The following CDH4 variants were observed in gnomAD, a reference collection of about 807,000 sequenced individuals.
CDH4 encodes the protein cadherin 4, also known as cadherin-4.
CDH4 carries 33 observed loss-of-function variants against 86.0 expected under a neutral mutation model. The observed-to-expected ratio is 0.38, with a 90% CI of 0.29 to 0.51. CDH4 has a LOEUF of 0.51. Ranked by LOEUF, CDH4 falls within the 20% of genes least tolerant of loss-of-function variation. The pLI is 0.86. For synonymous variants in CDH4, 555 were observed against 549.4 expected, an observed-to-expected ratio of 1.01 and a Z score of -0.14; for missense variants, 1,114 against 1,307.4, an observed-to-expected ratio of 0.85 and a Z score of 2.28.
intron 2 of CDH4, among the ~76,000 whole-genome samples, chr20:61,659,014 C>T (rs969870868): frequency 2.0e-5 from 3 of 152,220 alleles, no homozygotes; most frequent in African/African-American, 7.2e-5. Context: ...TGTGGCTGGT[C>T]TTGAACTCAT....
intron 2 of CDH4, among the ~76,000 whole-genome samples, chr20:61,315,056 A>G (rs895731827): frequency 3.9e-4 from 60 of 152,136 alleles, no homozygotes; most frequent in Non-Finnish European, 4.3e-4. Flanking sequence ...CTCAGCCCAG[A>G]TGGGTCTAAA....
In CDH4 at chr20:61,838,565, A is replaced by G. The variant is rs567104144; in HGVS notation, c.577-6103A>G. Among the ~76,000 whole-genome samples, 4 of 152,222 alleles carry G rather than the reference A, an allele frequency of 2.6e-5. No individual in the cohort carries two copies. The South Asian group carries it at 8.3e-4, about 32-fold the overall frequency. On this transcript the variant is annotated intron_variant, in intron 4 of 15. Coordinates refer to ENST00000614565, the MANE Select transcript of CDH4 (RefSeq NM_001794.5). ...GGTGGCTCACACCTGTAATCCCAGC[A>G]CTTTGGGAGGCTGAGGTGGGCAGAT...
intron 8 of CDH4, among the ~76,000 whole-genome samples, chr20:61,900,694 T>C (rs1985355691): frequency 1.3e-5 from 2 of 152,132 alleles, no homozygotes; most frequent in African/African-American, 4.8e-5. Flanking sequence ...CTCTCAGGCC[T>C]CCTTGGACCC....
chr20:61,878,818 G>A (rs145647053), intron 7 of CDH4, among the ~76,000 whole-genome samples: 10 of 152,228 alleles, frequency 6.6e-5, no homozygotes, highest in South Asian at 6.2e-4. Context: ...CCACTTTTTC[G>A]CCTTTGCCTC....
chr20:61,652,103 C>T (rs573792137), intron 2 of CDH4, among the ~76,000 whole-genome samples: 2 of 152,198 alleles, frequency 1.3e-5, no homozygotes, highest in Non-Finnish European at 2.9e-5. Flanking sequence ...GAGCCAGGTG[C>T]CGTGGGGTCT....
chr20:61,560,560 T>C (rs949846417), intron 2 of CDH4, among the ~76,000 whole-genome samples: 1 of 152,188 alleles, frequency 6.6e-6, no homozygotes, highest in Non-Finnish European at 1.5e-5. Flanking sequence ...CAAGGTTCCC[T>C]AGCGGGTTAC....
intron 2 of CDH4, among the ~76,000 whole-genome samples, chr20:61,290,431 T>TAGCACCACAG: frequency 7.3e-6 from 1 of 137,160 alleles, no homozygotes. Context: ...TTGCTGGGTT[T>TAGCACCACAG]ATCCCGATAT....
intron 4 of CDH4, among the ~76,000 whole-genome samples, chr20:61,818,173 G>C (rs1980829032): frequency 6.6e-6 from 1 of 152,144 alleles, no homozygotes; most frequent in South Asian, 2.1e-4. Flanking sequence ...GGGACTATAG[G>C]TACACACCAC....
chr20:61,529,746 G>A (rs1395233496), intron 2 of CDH4, among the ~76,000 whole-genome samples: 1 of 152,178 alleles, frequency 6.6e-6, no homozygotes, highest in Non-Finnish European at 1.5e-5. Context: ...GGTATCTTGG[G>A]TGGTGTCTTC....
intron 2 of CDH4, among the ~76,000 whole-genome samples, chr20:61,310,524 G>A (rs147876030): frequency 6.6e-6 from 1 of 152,190 alleles, no homozygotes; most frequent in South Asian, 2.1e-4. Flanking sequence ...ACTCCTGTGA[G>A]GATCTAATGC....
intron 2 of CDH4, among the ~76,000 whole-genome samples, chr20:61,378,013 A>G (rs968648826): frequency 7.9e-5 from 12 of 152,328 alleles, no homozygotes; most frequent in African/African-American, 2.9e-4. Context: ...CAACACTTTG[A>G]GAGGCCGAGG....
intron 2 of CDH4, among the ~76,000 whole-genome samples, chr20:61,458,060 G>A (rs940867795): frequency 6.6e-5 from 10 of 150,782 alleles, no homozygotes; most frequent in South Asian, 4.2e-4. Flanking sequence ...TGGTGGCAGC[G>A]GTGGTGGTGG....
At chr20:61,282,841 C>T (rs966751097) in intron 2 of CDH4, among the ~76,000 whole-genome samples, 5 of 147,910 alleles carry the variant, frequency 3.4e-5, no homozygotes, top group South Asian at 4.3e-4. Flanking sequence ...GCGTGTGATG[C>T]ATGTGCATTT....
At chr20:61,635,908 C>T in intron 2 of CDH4, among the ~76,000 whole-genome samples, 1 of 152,182 alleles carries the variant, frequency 6.6e-6, no homozygotes, top group Non-Finnish European at 1.5e-5. Flanking sequence ...TGGAAAATGA[C>T]TTAGTGGCAG....
chr20:61,740,445 T>C (rs930227416), intron 2 of CDH4: 1 of 152,236 alleles, frequency 6.6e-6, no homozygotes, highest in East Asian at 1.9e-4. Context: ...GTTCTGTGAA[T>C]GCCCCTGGCG....
At position 61,565,230 on chromosome 20, in the gene CDH4, G is replaced by GTGGTGGTGGTCCTCT. The variant is rs1555809098; in HGVS notation, c.170-178323_170-178322insCCTCTTGGTGGTGGT. On this transcript the variant is annotated intron_variant, in intron 2 of 15. Coordinates refer to ENST00000614565, the MANE Select transcript of CDH4 (RefSeq NM_001794.5). ...GCGGTGCTCTCGGTGGTAGGTGGTG[G>GTGGTGGTGGTCCTCT]TGGTGGTGGTGGCGGTGCTCTTGGT... 3.3e-4 allele frequency among the ~76,000 whole-genome samples: 10 copies of GTGGTGGTGGTCCTCT among 30,620 alleles called. 2 individuals carry two copies. The highest frequency in any genetic ancestry group is 1.6e-3 in the African/African-American group (9 of 5,736). The allele number at this position is 30,620 out of a possible 152,430, so 20.1% of individuals were successfully genotyped here.
intron 3 of CDH4, among the ~76,000 whole-genome samples, chr20:61,751,532 G>T (rs2088495567): frequency 6.6e-6 from 1 of 152,194 alleles, no homozygotes; most frequent in Non-Finnish European, 1.5e-5. Flanking sequence ...ACAATCTGAT[G>T]AGCCTTGTCA....
chr20:61,253,897 T>G (rs2084081543), intron 1 of CDH4, among the ~76,000 whole-genome samples: 1 of 152,196 alleles, frequency 6.6e-6, no homozygotes, highest in Admixed American at 6.5e-5. Context: ...CGAGGCTTCC[T>G]GCGCTCGCCG....
At chr20:61,901,949 T>C (rs1249783585) in intron 8 of CDH4, among the ~76,000 whole-genome samples, 2 of 152,340 alleles carry the variant, frequency 1.3e-5, no homozygotes, top group East Asian at 3.9e-4. Flanking sequence ...GGCTCATCTT[T>C]ATGAGATATT....
Sources: allele counts gnomAD v4.1 joint callset (sites outside exome capture counted in the v4.1 genomes callset), GRCh38; gene constraint gnomAD v4.1.1; transcripts MANE v1.5; gene names NCBI Gene and HGNC (gene_info 2026-07-23, HGNC 2026-07-21).